Variants in ZNF892 observed in about 807,000 individuals in gnomAD.
The protein encoded by ZNF892 is zinc finger protein 570-like.
At chr2:95,258,489 T>TGGACGTGGGTTACAGATTGGGAAC in the ZNF892 span, among the ~76,000 whole-genome samples, 4 of 152,186 alleles carry the variant, frequency 2.6e-5, no homozygotes, top group Non-Finnish European at 5.9e-5. Flanking sequence ...AAATTGGGAA[T>TGGACGTGGGTTACAGATTGGGAAC]GGACGTGGGT....
chr2:95,245,236 C>G, the ZNF892 span, among the ~76,000 whole-genome samples: 1 of 147,284 alleles, frequency 6.8e-6, no homozygotes, highest in Non-Finnish European at 1.5e-5. Context: ...TCAATGAATC[C>G]TGGAGCTGAT....
the ZNF892 span, among the ~76,000 whole-genome samples, chr2:95,210,221 A>G: frequency 2.0e-5 from 3 of 146,804 alleles, no homozygotes; most frequent in African/African-American, 7.4e-5. Context: ...GTATATATGT[A>G]TATATATGTG....
chr2:95,240,267 A>T, the ZNF892 span, among the ~76,000 whole-genome samples: 3 of 152,328 alleles, frequency 2.0e-5, no homozygotes, highest in South Asian at 2.1e-4. Flanking sequence ...AGGTTCTCAC[A>T]TTGGGAGTGA....
the ZNF892 span, among the ~76,000 whole-genome samples, chr2:95,242,588 G>A: frequency 2.0e-5 from 3 of 152,152 alleles, no homozygotes; most frequent in Non-Finnish European, 1.5e-5. Context: ...GCATAAACAA[G>A]TCTGCAATAT....
At chr2:95,209,162 T>A in the ZNF892 span, among the ~76,000 whole-genome samples, 2 of 151,998 alleles carry the variant, frequency 1.3e-5, no homozygotes, top group Admixed American at 1.3e-4. Context: ...TTGGGAGAAG[T>A]GTGGGATAAA....
the ZNF892 span, among the ~76,000 whole-genome samples, chr2:95,218,200 C>T: frequency 6.6e-6 from 1 of 152,190 alleles, no homozygotes; most frequent in Non-Finnish European, 1.5e-5. Context: ...AGCAAATTTT[C>T]CCATATTTTT....
chr2:95,260,845 G>T, the ZNF892 span, among the ~76,000 whole-genome samples: 1 of 152,276 alleles, frequency 6.6e-6, no homozygotes, highest in East Asian at 1.9e-4. Flanking sequence ...TGAAGCCGGG[G>T]GTCAATCTCA....
the ZNF892 span, chr2:95,259,808 G>A: frequency 6.6e-6 from 1 of 152,268 alleles, no homozygotes; most frequent in Non-Finnish European, 1.5e-5. Context: ...TAAGTGCAGA[G>A]GTGCTGGGCT....
At chr2:95,229,630 T>C in the ZNF892 span, among the ~76,000 whole-genome samples, 1 of 152,218 alleles carries the variant, frequency 6.6e-6, no homozygotes, top group East Asian at 1.9e-4. Flanking sequence ...TATGTATCAG[T>C]TGTTCTTTTT....
the ZNF892 span, chr2:95,214,666 A>G: frequency 5.0e-6 from 2 of 403,470 alleles, no homozygotes. Flanking sequence ...ATAATTAGGC[A>G]TGAGAGAATT....
the ZNF892 span, among the ~76,000 whole-genome samples, chr2:95,235,904 A>T: frequency 6.6e-6 from 1 of 152,332 alleles, no homozygotes; most frequent in Middle Eastern, 3.4e-3. Flanking sequence ...TGAATACAGT[A>T]CTGTTCAACG....
chr2:95,212,158 C>G, the ZNF892 span: 4 of 398,320 alleles, frequency 1.0e-5, no homozygotes, highest in African/African-American at 8.2e-5. Context: ...ACACTGAGGT[C>G]TTCACCAGAC....
chr2:95,237,968 T>A, the ZNF892 span, among the ~76,000 whole-genome samples: 1 of 152,194 alleles, frequency 6.6e-6, no homozygotes, highest in Non-Finnish European at 1.5e-5. Context: ...GGTTGGTTCC[T>A]GAGGTTTAAG....
At chr2:95,223,489 C>T in the ZNF892 span, among the ~76,000 whole-genome samples, 1 of 152,112 alleles carries the variant, frequency 6.6e-6, no homozygotes, top group Non-Finnish European at 1.5e-5. Flanking sequence ...ACCTCAACCT[C>T]CTGGGCTCAA....
At chr2:95,243,383 G>A in the ZNF892 span, among the ~76,000 whole-genome samples, 1 of 151,088 alleles carries the variant, frequency 6.6e-6, no homozygotes, top group Non-Finnish European at 1.5e-5. Flanking sequence ...CTGCCCGGCC[G>A]CCATCCCATC....
the ZNF892 span, chr2:95,211,798 G>A: frequency 5.0e-6 from 2 of 397,876 alleles, no homozygotes; most frequent in African/African-American, 4.1e-5. Flanking sequence ...GAGCTCCAAG[G>A]TCCTTATATT....
the ZNF892 span, among the ~76,000 whole-genome samples, chr2:95,253,041 G>A: frequency 1.3e-5 from 2 of 152,152 alleles, no homozygotes; most frequent in Non-Finnish European, 2.9e-5. Flanking sequence ...TAGGTTGCCT[G>A]TTCACTCTGA....
chr2:95,224,586 T>C, the ZNF892 span, among the ~76,000 whole-genome samples: 6 of 152,058 alleles, frequency 3.9e-5, no homozygotes, highest in East Asian at 1.9e-4. Flanking sequence ...AGAACTCTTA[T>C]CACAAGAATA....
At chr2:95,219,728 G>A in the ZNF892 span, among the ~76,000 whole-genome samples, 4 of 152,212 alleles carry the variant, frequency 2.6e-5, no homozygotes, top group African/African-American at 9.6e-5. Context: ...TGATACCACT[G>A]TGGTGGAGAA....
Sources: gnomAD v4.1 joint callset for allele counts (sites outside exome capture counted in the v4.1 genomes callset) on GRCh38, gnomAD v4.1.1 for gene constraint, MANE v1.5 for transcripts, NCBI Gene and HGNC (gene_info 2026-07-23, HGNC 2026-07-21) for gene names.